The following NDUFAF1 variants were observed in gnomAD, a reference collection of about 807,000 sequenced individuals.
NDUFAF1 encodes the protein NADH:ubiquinone oxidoreductase complex assembly factor 1, also known as complex I intermediate-associated protein 30, mitochondrial.
A neutral mutation model predicts 28.7 loss-of-function variants in NDUFAF1; 18 were observed. The ratio of observed to expected loss-of-function variants is 0.63; its 90% CI spans 0.43 to 0.93. The LOEUF (loss-of-function observed/expected upper bound fraction) is 0.93, where lower values mean the gene tolerates loss of function less well. Ranked by LOEUF, NDUFAF1 falls within the 40% of genes least tolerant of loss-of-function variation. The pLI is 0.00. For synonymous variants in NDUFAF1, 113 were observed against 139.7 expected (o/e 0.81, Z 1.35); for missense variants, 404 against 398.3 (o/e 1.01, Z -0.12).
intron 3 of NDUFAF1, chr15:41,394,019 C>CAT (rs1358524975): frequency 7.8e-6 from 1 of 128,876 alleles, no homozygotes; most frequent in African/African-American, 5.9e-5. Context: ...TAGGACACTA[C>CAT]TTTTTTTTTT....
At chr15:41,396,179 T>C (rs988831014) in intron 2 of NDUFAF1, among the ~76,000 whole-genome samples, 2 of 151,940 alleles carry the variant, frequency 1.3e-5, no homozygotes, top group African/African-American at 4.8e-5. Context: ...TTAGAGGAGA[T>C]GAAAATCTCT....
At chr15:41,395,640 G>C (rs1204850686) in intron 2 of NDUFAF1, among the ~76,000 whole-genome samples, 1 of 148,842 alleles carries the variant, frequency 6.7e-6, no homozygotes, top group Non-Finnish European at 1.5e-5. Context: ...AAAGTGTGGG[G>C]ATTACAGGCA....
In NDUFAF1 at chr15:41,395,013, CA is replaced by C; in HGVS notation, c.604del (p.Trp202GlyfsTer20). 6.2e-7 allele frequency: 1 copy of C among 1,614,034 alleles called. No individual in the cohort carries two copies. The highest frequency in any genetic ancestry group is 1.1e-5 in the South Asian group (1 of 91,076). Reference protein sequence around the residue: ...GAFERKMSYDWSQFNTLYLRV... With the variant: ...GAFERKMSYDXSQFNTLYLRV... Reference sequence around the variant, plus strand: ...GAGATACAGAGTATTGAACTGGGACCAATCGTAAGACATCTTCCTCTCAAAA... The same window carrying C: ...GAGATACAGAGTATTGAACTGGGACCATCGTAAGACATCTTCCTCTCAAAA... On this transcript the variant is annotated frameshift_variant, in exon 3 of 5. Transcript: ENST00000260361. LOFTEE classifies it high-confidence loss of function.
intron 1 of NDUFAF1, among the ~76,000 whole-genome samples, chr15:41,399,697 A>G (rs1263399911): frequency 6.6e-6 from 1 of 151,096 alleles, no homozygotes; most frequent in Non-Finnish European, 1.5e-5. Context: ...TACTAAAAAA[A>G]TACAAAAAAT....
rs1372180858 is a variant in NDUFAF1, at chr15:41,402,252, T to A, written c.-190A>T. The A allele has an allele frequency of 6.6e-6, 3 of 454,038 alleles. No individual in the cohort carries two copies. The highest frequency in any genetic ancestry group is 6.0e-5 in the African/African-American group (3 of 50,024). The allele number at this position is 454,038 out of a possible 1,614,324, so 28.1% of individuals were successfully genotyped here. On this transcript the variant is annotated 5_prime_UTR_variant, in exon 1 of 5. Coordinates refer to ENST00000260361, the MANE Select transcript of NDUFAF1 (RefSeq NM_016013.4). ...GACGAAGAAACTGACGTTCCAAGGC[T>A]AATTTACCCGAGGTCACACAGGTAG...
At chr15:41,399,949 A>ACT (rs1221135909) in intron 1 of NDUFAF1, among the ~76,000 whole-genome samples, 26 of 151,424 alleles carry the variant, frequency 1.7e-4, no homozygotes, top group Non-Finnish European at 2.9e-4. Flanking sequence ...AATCCCAGCT[A>ACT]CTCGGGAGGC....
At position 41,397,889 on chromosome 15, in the gene NDUFAF1, G is replaced by A. The variant is rs149788033; in HGVS notation, c.-81-749C>T. On this transcript the variant is annotated intron_variant, in intron 1 of 4. Transcript: ENST00000260361. ...AAAATACAAAACTTAGCTGGGTGTGGTGGTGCGCACTTGTGGTCCCAGCTA... is the reference window on the plus strand; with the variant it reads ...AAAATACAAAACTTAGCTGGGTGTGATGGTGCGCACTTGTGGTCCCAGCTA... Among the ~76,000 whole-genome samples the A allele has an allele frequency of 5.6e-4, 85 of 151,656 alleles. 1 individual carries two copies. In the East Asian group the frequency reaches 0.011, roughly 20 times the overall value.
intron 2 of NDUFAF1, among the ~76,000 whole-genome samples, chr15:41,395,835 C>T: frequency 6.6e-6 from 1 of 151,772 alleles, no homozygotes; most frequent in East Asian, 2.0e-4. Context: ...CCACCATGTC[C>T]AGCACTCTGG....
intron 2 of NDUFAF1, among the ~76,000 whole-genome samples, chr15:41,395,862 T>C (rs1291474389): frequency 6.6e-6 from 1 of 150,820 alleles, no homozygotes; most frequent in Non-Finnish European, 1.5e-5. Context: ...AAGGGTGGGG[T>C]GGATCACCTG....
chr15:41,397,181 T>C, intron 1 of NDUFAF1, 41 bp from the exon 2 acceptor site: 1 of 729,662 alleles, frequency 1.4e-6, no homozygotes, highest in Non-Finnish European at 2.3e-6. Flanking sequence ...AGCATAGCAA[T>C]GAATGCATCA....
intron 2 of NDUFAF1, among the ~76,000 whole-genome samples, chr15:41,396,002 C>T (rs550508816): frequency 2.0e-5 from 3 of 151,308 alleles, no homozygotes; most frequent in Non-Finnish European, 2.9e-5. Flanking sequence ...GCAGGAGAAT[C>T]GCTTGAACCT....
chr15:41,395,175 C>T (rs1419245186), intron 2 of NDUFAF1, 131 bp from the exon 3 acceptor site: 13 of 783,886 alleles, frequency 1.7e-5, no homozygotes, highest in South Asian at 5.9e-5. Flanking sequence ...TAAGAAGGCA[C>T]ATAAACCCAG....
intron 1 of NDUFAF1, among the ~76,000 whole-genome samples, chr15:41,401,715 C>T (rs896026496): frequency 2.0e-5 from 3 of 151,940 alleles, no homozygotes; most frequent in Non-Finnish European, 4.4e-5. Flanking sequence ...CGTGAGCCAC[C>T]GCGCCCAGCC....
intron 2 of NDUFAF1, among the ~76,000 whole-genome samples, chr15:41,395,421 G>C (rs576833022): frequency 2.8e-4 from 42 of 150,558 alleles, no homozygotes; most frequent in African/African-American, 9.3e-4. Context: ...CCAGGCTGGA[G>C]TGCAGTGGTG....
intron 1 of NDUFAF1, among the ~76,000 whole-genome samples, chr15:41,401,582 C>T (rs1240247986): frequency 2.0e-5 from 3 of 151,920 alleles, no homozygotes; most frequent in African/African-American, 7.2e-5. Flanking sequence ...TGCGCCACCA[C>T]GCCCAGCTAA....
At chr15:41,400,970 T>C (rs1430482364) in intron 1 of NDUFAF1, among the ~76,000 whole-genome samples, 1 of 149,722 alleles carries the variant, frequency 6.7e-6, no homozygotes, top group Non-Finnish European at 1.5e-5. Context: ...ACATTATCAA[T>C]ACTTTTTTTT....
rs771083321 is a variant in NDUFAF1, at chr15:41,396,702, G to C, written c.358C>G (p.Gln120Glu). The C allele has an allele frequency of 9.3e-6, 15 of 1,614,162 alleles. No homozygotes were observed. The highest frequency in any genetic ancestry group is 1.2e-5 in the Non-Finnish European group (14 of 1,180,036). The change falls in exon 2 of 5, where the codon CAA (glutamine) becomes GAA (glutamate). Residue 120 changes from glutamine to glutamate, a missense_variant. Physicochemically the swap from Gln to Glu is conservative, Grantham distance 29. Coordinates refer to ENST00000260361, the MANE Select transcript of NDUFAF1 (RefSeq NM_016013.4). ...CGGAATTGCCAGACAACCTTGGCTTGTTCCAGCAAGACCTCATGCAGAGGG... is the reference window on the plus strand; with the variant it reads ...CGGAATTGCCAGACAACCTTGGCTTCTTCCAGCAAGACCTCATGCAGAGGG... Reference protein sequence around the residue: ...GHPLHEVLLEQAKVVWQFRGK... With the variant: ...GHPLHEVLLEEAKVVWQFRGK...
At chr15:41,395,086 T>C (rs2140919479) in intron 2 of NDUFAF1, 42 bp from the exon 3 acceptor site, 1 of 1,583,632 alleles carries the variant, frequency 6.3e-7, no homozygotes, top group Non-Finnish European at 8.6e-7. Context: ...TCATTCTCCA[T>C]TATTAGCAAA....
chr15:41,392,127 C>G (rs1444094251), intron 3 of NDUFAF1, among the ~76,000 whole-genome samples: 1 of 141,550 alleles, frequency 7.1e-6, no homozygotes, highest in African/African-American at 2.6e-5. Context: ...GGGTGGAGTA[C>G]AGTGGCGCGA....
Sources: gnomAD v4.1 joint callset for allele counts (sites outside exome capture counted in the v4.1 genomes callset) on GRCh38, gnomAD v4.1.1 for gene constraint, MANE v1.5 for transcripts, NCBI Gene and HGNC (gene_info 2026-07-23, HGNC 2026-07-21) for gene names.